Variants in LRMDA observed in about 807,000 individuals in gnomAD.
LRMDA encodes leucine rich melanocyte differentiation associated, also known as leucine-rich melanocyte differentiation-associated protein.
LRMDA carries 18 observed loss-of-function variants against 29.8 expected under a neutral mutation model. The observed-to-expected ratio is 0.60, with a 90% CI of 0.42 to 0.90. LRMDA has a LOEUF of 0.90. LRMDA is among the 40% of genes least tolerant of loss of function. LRMDA has a pLI of 0.00. For missense variants in LRMDA, 273 were observed against 273.9 expected, an observed-to-expected ratio of 1.00 and a Z score of 0.02; for synonymous variants, 125 against 109.4, an observed-to-expected ratio of 1.14 and a Z score of -0.89.
At chr10:75,863,339 C>A (rs541516412) in intron 2 of LRMDA, among the ~76,000 whole-genome samples, 2 of 152,288 alleles carry the variant, frequency 1.3e-5, no homozygotes, top group African/African-American at 4.8e-5. Flanking sequence ...TCTCTGAAAT[C>A]AAAAATATAT....
At chr10:76,109,388 C>CTA (rs1849539005) in intron 5 of LRMDA, among the ~76,000 whole-genome samples, 1 of 152,216 alleles carries the variant, frequency 6.6e-6, no homozygotes, top group Non-Finnish European at 1.5e-5. Context: ...CTATTGAAGG[C>CTA]TAGCTACTCC....
intron 2 of LRMDA, among the ~76,000 whole-genome samples, chr10:75,572,212 A>T (rs1412186053): frequency 1.3e-5 from 2 of 152,182 alleles, no homozygotes; most frequent in Non-Finnish European, 2.9e-5. Flanking sequence ...TTGGCCTCCC[A>T]AAGTGCTGGG....
At chr10:76,408,361 G>T (rs1426041104) in intron 6 of LRMDA, among the ~76,000 whole-genome samples, 1 of 152,070 alleles carries the variant, frequency 6.6e-6, no homozygotes, top group Admixed American at 6.6e-5. Context: ...CTTTGATTAG[G>T]TCTGCTCTCT....
chr10:75,575,248 A>G (rs566278505), intron 2 of LRMDA, among the ~76,000 whole-genome samples: 1 of 152,270 alleles, frequency 6.6e-6, no homozygotes, highest in South Asian at 2.1e-4. Flanking sequence ...TATCCAAACC[A>G]TATCATTCTG....
chr10:75,650,697 C>T (rs575375047), intron 2 of LRMDA, among the ~76,000 whole-genome samples: 2 of 152,240 alleles, frequency 1.3e-5, no homozygotes, highest in Admixed American at 1.3e-4. Flanking sequence ...AATGGTCTTT[C>T]AAGTCTTTAA....
At chr10:76,443,299 C>CTA (rs1842322390) in intron 6 of LRMDA, among the ~76,000 whole-genome samples, 1 of 152,208 alleles carries the variant, frequency 6.6e-6, no homozygotes, top group African/African-American at 2.4e-5. Flanking sequence ...AAAATGCTTA[C>CTA]CGTTCAAGTT....
rs1589186465 is a variant in LRMDA at position 75,750,243 on chromosome 10, G to A, written c.132-285765G>A. ...CCCCCACCTCCCGGACAGGGCGGCT[G>A]CCGGGCGGGGGCTGCCCACCTCCCT... On this transcript the variant is annotated intron_variant, in intron 2 of 6. Coordinates refer to ENST00000611255, the MANE Select transcript of LRMDA (RefSeq NM_001305581.2). Among the ~76,000 whole-genome samples, 3 of 150,812 alleles carry A rather than the reference G, an allele frequency of 2.0e-5. No homozygotes were observed. In the South Asian group the frequency reaches 6.4e-4, roughly 32 times the overall value.
At chr10:76,314,787 T>G (rs1439250246) in intron 5 of LRMDA, among the ~76,000 whole-genome samples, 1 of 152,208 alleles carries the variant, frequency 6.6e-6, no homozygotes, top group South Asian at 2.1e-4. Context: ...GGTTAACACT[T>G]ACACACCACT....
chr10:75,881,842 C>T (rs750584625), intron 2 of LRMDA, among the ~76,000 whole-genome samples: 2 of 152,214 alleles, frequency 1.3e-5, no homozygotes, highest in East Asian at 1.9e-4. Flanking sequence ...TACCTTGCTG[C>T]GCATTTTGTC....
At chr10:75,791,420 AT>A (rs1205349658) in intron 2 of LRMDA, among the ~76,000 whole-genome samples, 3 of 152,192 alleles carry the variant, frequency 2.0e-5, no homozygotes, top group Non-Finnish European at 2.9e-5. Flanking sequence ...AATTATCATT[AT>A]TTTTTAATAA....
chr10:75,442,129 T>C (rs1844332997), intron 2 of LRMDA, among the ~76,000 whole-genome samples: 1 of 152,234 alleles, frequency 6.6e-6, no homozygotes, highest in African/African-American at 2.4e-5. Context: ...TTTTTCCAAC[T>C]TTATTGAGGC....
intron 6 of LRMDA, among the ~76,000 whole-genome samples, chr10:76,397,426 T>A (rs1233414266): frequency 6.6e-6 from 1 of 152,206 alleles, no homozygotes; most frequent in African/African-American, 2.4e-5. Flanking sequence ...TAACACTCCA[T>A]ATCCCTGTTT....
intron 2 of LRMDA, among the ~76,000 whole-genome samples, chr10:75,996,392 T>C (rs1847462681): frequency 6.6e-6 from 1 of 152,214 alleles, no homozygotes; most frequent in Non-Finnish European, 1.5e-5. Flanking sequence ...TTCCCCTATT[T>C]ATTAAAGGTT....
At chr10:76,251,734 G>C (rs1172127676) in intron 5 of LRMDA, among the ~76,000 whole-genome samples, 1 of 152,198 alleles carries the variant, frequency 6.6e-6, no homozygotes, top group African/African-American at 2.4e-5. Context: ...TCAGAGGTTT[G>C]CTTTGTCATG....
chr10:76,324,620 A>G (rs1366474974), intron 6 of LRMDA, 135 bp downstream of exon 6: 2 of 718,602 alleles, frequency 2.8e-6, no homozygotes, highest in Non-Finnish European at 4.7e-6. Flanking sequence ...TGAGAAAACC[A>G]TACCTGTCAC....
At chr10:75,782,203 CA>C (rs1267931013) in intron 2 of LRMDA, among the ~76,000 whole-genome samples, 1 of 152,160 alleles carries the variant, frequency 6.6e-6, no homozygotes, top group African/African-American at 2.4e-5. Flanking sequence ...ATAATTTTCT[CA>C]CTTTCCTTTA....
At chr10:75,629,104 A>G (rs147869989) in intron 2 of LRMDA, among the ~76,000 whole-genome samples, 1 of 152,270 alleles carries the variant, frequency 6.6e-6, no homozygotes, top group African/African-American at 2.4e-5. Context: ...CTCTTGTTAG[A>G]GCTGGCCACA....
chr10:75,899,319 A>G (rs1845633423), intron 2 of LRMDA, among the ~76,000 whole-genome samples: 1 of 152,218 alleles, frequency 6.6e-6, no homozygotes, highest in Admixed American at 6.5e-5. Context: ...GCCATGAAGA[A>G]CCTTATAATC....
chr10:75,547,880 T>C (rs1005696051), intron 2 of LRMDA, among the ~76,000 whole-genome samples: 18 of 152,258 alleles, frequency 1.2e-4, no homozygotes, highest in African/African-American at 4.3e-4. Context: ...CTTTGGACCT[T>C]TTCTTGAACC....
Sources: gnomAD v4.1 joint callset for allele counts (sites outside exome capture counted in the v4.1 genomes callset) on GRCh38, gnomAD v4.1.1 for gene constraint, MANE v1.5 for transcripts, NCBI Gene and HGNC (gene_info 2026-07-23, HGNC 2026-07-21) for gene names.